NR3C1: variants seen among roughly 807,000 people sequenced by gnomAD.
NR3C1 encodes glucocorticoid receptor.
A neutral mutation model predicts 74.0 loss-of-function variants in NR3C1; 14 were observed. The ratio of observed to expected loss-of-function variants is 0.19; its 90% CI spans 0.12 to 0.30. The LOEUF (loss-of-function observed/expected upper bound fraction) is 0.30, where lower values mean the gene tolerates loss of function less well. Among genes scored for constraint, NR3C1 ranks in the 10% least tolerant of loss-of-function variants. NR3C1 has a pLI of 1.00. For synonymous variants in NR3C1, 308 were observed against 332.5 expected (o/e 0.93, Z 0.80); for missense variants, 695 against 909.8 (o/e 0.76, Z 3.04).
intron 2 of NR3C1, among the ~76,000 whole-genome samples, chr5:143,331,907 C>A (rs148251330): frequency 2.0e-3 from 302 of 152,266 alleles, no homozygotes; most frequent in African/African-American, 7.0e-3. Flanking sequence ...AACAAACCTG[C>A]ACATGTACCT....
At chr5:143,309,309 G>A (rs1820388062) in intron 4 of NR3C1, among the ~76,000 whole-genome samples, 1 of 152,102 alleles carries the variant, frequency 6.6e-6, no homozygotes, top group Non-Finnish European at 1.5e-5. Context: ...TTGACCTCGT[G>A]ATCCGCCTGC....
chr5:143,324,161 A>G (rs1824040173), intron 2 of NR3C1, among the ~76,000 whole-genome samples: 1 of 152,106 alleles, frequency 6.6e-6, no homozygotes, highest in Non-Finnish European at 1.5e-5. Flanking sequence ...CCCAGTAGGG[A>G]TTCTGTGTGA....
chr5:143,371,109 G>A (rs894509817), intron 2 of NR3C1, among the ~76,000 whole-genome samples: 1 of 152,002 alleles, frequency 6.6e-6, no homozygotes, highest in African/African-American at 2.4e-5. Context: ...CAGAAAAGGG[G>A]GAAATTTTGT....
At chr5:143,411,034 T>C (rs1011470226) in intron 1 of NR3C1, among the ~76,000 whole-genome samples, 3 of 152,224 alleles carry the variant, frequency 2.0e-5, no homozygotes, top group African/African-American at 4.8e-5. Context: ...CTGAAGACTT[T>C]ACTGCCTAAT....
At chr5:143,388,798 G>GA (rs1461214516) in intron 2 of NR3C1, among the ~76,000 whole-genome samples, 3 of 152,130 alleles carry the variant, frequency 2.0e-5, no homozygotes, top group African/African-American at 7.2e-5. Flanking sequence ...GTGACTAGAA[G>GA]AAAAAAATAT....
chr5:143,406,429 C>A (rs1841115549), upstream of NR3C1, among the ~76,000 whole-genome samples: 1 of 150,228 alleles, frequency 6.7e-6, no homozygotes, highest in African/African-American at 2.4e-5. Flanking sequence ...AAAAACTTAT[C>A]CTAATTTCTC....
intron 2 of NR3C1, among the ~76,000 whole-genome samples, chr5:143,348,220 C>G (rs976587258): frequency 2.6e-5 from 4 of 152,170 alleles, no homozygotes; most frequent in African/African-American, 9.7e-5. Context: ...AATGTGACTT[C>G]AGATAAAACT....
rs1325213836 is a variant in NR3C1 at position 143,403,645 on chromosome 5, G to C, written c.-448C>G. Reference sequence around the variant, plus strand: ...GACACGCGAAAGGGCAGCCCGGCCTGGGCGAGCGAGCGGGACCGAGCGGGG... The same window carrying C: ...GACACGCGAAAGGGCAGCCCGGCCTCGGCGAGCGAGCGGGACCGAGCGGGG... On this transcript the variant is annotated 5_prime_UTR_variant, in exon 1 of 9. Coordinates refer to ENST00000394464, the MANE Select transcript of NR3C1 (RefSeq NM_000176.3). 1 of 985,452 alleles carries C rather than the reference G, an allele frequency of 1.0e-6. No individual in the cohort carries two copies. Among genetic ancestry groups the C allele is most frequent in the Non-Finnish European group, 1.2e-6 (1 of 829,882 alleles). The allele number at this position is 985,452 out of a possible 1,614,324, so 61.0% of individuals were successfully genotyped here.
chr5:143,309,224 C>T (rs1252772914), intron 4 of NR3C1, among the ~76,000 whole-genome samples: 5 of 152,022 alleles, frequency 3.3e-5, no homozygotes, highest in Admixed American at 3.3e-4. Flanking sequence ...CAGGTGACAC[C>T]ACCACGCTCC....
chr5:143,326,113 CCTTT>C (rs1824547408), intron 2 of NR3C1, among the ~76,000 whole-genome samples: 1 of 152,124 alleles, frequency 6.6e-6, no homozygotes, highest in Non-Finnish European at 1.5e-5. Context: ...AAAAATTGGG[CCTTT>C]TATTTGCCCA....
At chr5:143,305,534 T>C (rs1819391688) in intron 4 of NR3C1, among the ~76,000 whole-genome samples, 1 of 152,210 alleles carries the variant, frequency 6.6e-6, no homozygotes, top group African/African-American at 2.4e-5. Context: ...GAAAATGTGG[T>C]ATTTATATGC....
At chr5:143,408,941 G>T (rs2151954279) in intron 1 of NR3C1, 1 of 152,032 alleles carries the variant, frequency 6.6e-6, no homozygotes, top group Middle Eastern at 3.4e-3. Context: ...AAGGCTATAG[G>T]GCATCTTTCC....
intron 6 of NR3C1, among the ~76,000 whole-genome samples, chr5:143,298,233 T>G (rs1447791345): frequency 6.6e-6 from 1 of 152,200 alleles, no homozygotes; most frequent in Non-Finnish European, 1.5e-5. Flanking sequence ...GGGTGAGCCT[T>G]GCCATGCAAA....
At chr5:143,380,561 T>G (rs565389049) in intron 2 of NR3C1, among the ~76,000 whole-genome samples, 1 of 152,072 alleles carries the variant, frequency 6.6e-6, no homozygotes, top group East Asian at 1.9e-4. Flanking sequence ...GGCTTGCTCT[T>G]CTTCAGACAG....
At chr5:143,404,030 A>C (rs1451957056), upstream of NR3C1, 3 of 985,100 alleles carry the variant, frequency 3.0e-6, no homozygotes, top group African/African-American at 5.3e-5. Context: ...GAGTTTCTCC[A>C]GTTTCTTTTC....
chr5:143,355,543 AATATC>A (rs1830980721), intron 2 of NR3C1, among the ~76,000 whole-genome samples: 1 of 152,172 alleles, frequency 6.6e-6, no homozygotes, highest in Admixed American at 6.5e-5. Flanking sequence ...TTGGTTTCTA[AATATC>A]ATATAACATT....
intron 1 of NR3C1, among the ~76,000 whole-genome samples, chr5:143,434,135 C>A (rs1484730414): frequency 1.3e-5 from 2 of 152,218 alleles, no homozygotes; most frequent in African/African-American, 4.8e-5. Context: ...CCGCCACTAT[C>A]ACTCTTCTAG....
chr5:143,388,206 G>C (rs533616668), intron 2 of NR3C1, among the ~76,000 whole-genome samples: 2 of 152,266 alleles, frequency 1.3e-5, no homozygotes, highest in South Asian at 4.1e-4. Flanking sequence ...AGCAAATTTA[G>C]AGACTGTCAA....
At chr5:143,339,347 C>G (rs1600103184) in intron 2 of NR3C1, among the ~76,000 whole-genome samples, 1 of 152,192 alleles carries the variant, frequency 6.6e-6, no homozygotes, top group Non-Finnish European at 1.5e-5. Flanking sequence ...TACATTTTCT[C>G]TTTCTAGAAC....
Sources: gnomAD v4.1 joint callset for allele counts (sites outside exome capture counted in the v4.1 genomes callset) on GRCh38, gnomAD v4.1.1 for gene constraint, MANE v1.5 for transcripts, NCBI Gene and HGNC (gene_info 2026-07-23, HGNC 2026-07-21) for gene names.